GPR137C: variants seen among roughly 807,000 people sequenced by gnomAD.
GPR137C encodes the protein G protein-coupled receptor 137C.
Under a neutral mutation model 43.4 loss-of-function variants are expected in GPR137C, and 27 were observed. That is an observed-to-expected ratio of 0.62 (90% CI 0.46 to 0.86). The LOEUF (loss-of-function observed/expected upper bound fraction) is 0.86. GPR137C is among the 40% of genes least tolerant of loss of function. GPR137C has a pLI of 0.00. For missense variants in GPR137C, 522 were observed against 534.6 expected (o/e 0.98, Z 0.23); for synonymous variants, 285 against 226.9 (o/e 1.26, Z -2.30).
At chr14:52,633,346 C>T (rs1353461072) in intron 4 of GPR137C, among the ~76,000 whole-genome samples, 184 bp from the exon 5 acceptor site, 1 of 152,006 alleles carries the variant, frequency 6.6e-6, no homozygotes, top group East Asian at 1.9e-4. Context: ...AGCTTCAAAG[C>T]ATTTTATGTC....
At chr14:52,592,280 T>C (rs927013939) in intron 1 of GPR137C, among the ~76,000 whole-genome samples, 16 of 152,200 alleles carry the variant, frequency 1.1e-4, no homozygotes, top group African/African-American at 3.9e-4. Flanking sequence ...CTTCGTTCTT[T>C]TTGCTGTTTT....
chr14:52,566,549 A>C (rs1434258599), intron 1 of GPR137C, among the ~76,000 whole-genome samples: 1 of 152,212 alleles, frequency 6.6e-6, no homozygotes, highest in Admixed American at 6.5e-5. Flanking sequence ...TTTTTTAAAA[A>C]ATCTATTCTG....
chr14:52,628,734 T>G (rs2039259824), intron 3 of GPR137C, among the ~76,000 whole-genome samples: 1 of 152,156 alleles, frequency 6.6e-6, no homozygotes, highest in Non-Finnish European at 1.5e-5. Flanking sequence ...AGACAGAGGC[T>G]GCAGTGGGCC....
chr14:52,631,920 A>G (rs893958468), intron 3 of GPR137C, among the ~76,000 whole-genome samples: 18 of 151,268 alleles, frequency 1.2e-4, no homozygotes, highest in African/African-American at 4.4e-4. Context: ...TGGCAGAACA[A>G]AATCTTTCTC....
At chr14:52,622,687 G>A (rs996758562) in intron 3 of GPR137C, among the ~76,000 whole-genome samples, 5 of 151,974 alleles carry the variant, frequency 3.3e-5, no homozygotes, top group South Asian at 2.1e-4. Flanking sequence ...GAAAAAAAGT[G>A]GTTAGATCCA....
intron 1 of GPR137C, among the ~76,000 whole-genome samples, chr14:52,582,953 G>A (rs1421623626): frequency 6.6e-6 from 1 of 151,740 alleles, no homozygotes; most frequent in East Asian, 1.9e-4. Context: ...TTCTAAATAA[G>A]GATCTGCTAG....
intron 3 of GPR137C, among the ~76,000 whole-genome samples, chr14:52,614,437 A>T (rs1358788188): frequency 6.6e-6 from 1 of 152,156 alleles, no homozygotes; most frequent in East Asian, 1.9e-4. Flanking sequence ...CTTGTTCGCC[A>T]TTCATAAGTC....
chr14:52,621,387 G>A (rs1354014302), intron 3 of GPR137C, among the ~76,000 whole-genome samples: 1 of 151,782 alleles, frequency 6.6e-6, no homozygotes, highest in African/African-American at 2.4e-5. Flanking sequence ...TTACTTACCA[G>A]CATACCTAAC....
At chr14:52,589,217 G>C (rs2139502186) in intron 1 of GPR137C, among the ~76,000 whole-genome samples, 1 of 152,310 alleles carries the variant, frequency 6.6e-6, no homozygotes, top group South Asian at 2.1e-4. Flanking sequence ...GGCTGCCAGA[G>C]CCTGGAGGAG....
At chr14:52,629,189 C>G (rs1180589580) in intron 3 of GPR137C, among the ~76,000 whole-genome samples, 1 of 152,176 alleles carries the variant, frequency 6.6e-6, no homozygotes, top group Admixed American at 6.5e-5. Context: ...AATTGTACAT[C>G]CATTTTGGGA....
chr14:52,580,014 T>C (rs914781738), intron 1 of GPR137C, among the ~76,000 whole-genome samples: 1 of 152,214 alleles, frequency 6.6e-6, no homozygotes, highest in Non-Finnish European at 1.5e-5. Context: ...GATTTCCAAA[T>C]GCCAGCCACA....
chr14:52,625,982 A>T (rs916013041), intron 3 of GPR137C, among the ~76,000 whole-genome samples: 1 of 152,188 alleles, frequency 6.6e-6, no homozygotes, highest in Non-Finnish European at 1.5e-5. Flanking sequence ...CCTTGAATTG[A>T]AAATATTAAA....
intron 1 of GPR137C, chr14:52,596,767 C>T: frequency 2.7e-6 from 1 of 367,874 alleles, no homozygotes; most frequent in South Asian, 2.0e-5. Context: ...TTCCCCAACC[C>T]CTTGTGCTTC....
intron 1 of GPR137C, among the ~76,000 whole-genome samples, chr14:52,575,420 A>C (rs1361023426): frequency 6.6e-6 from 1 of 152,142 alleles, no homozygotes; most frequent in African/African-American, 2.4e-5. Context: ...AAAATATAAA[A>C]AATACTTTTA....
intron 1 of GPR137C, among the ~76,000 whole-genome samples, chr14:52,570,687 G>T (rs2038452377): frequency 6.6e-6 from 1 of 152,012 alleles, no homozygotes; most frequent in Non-Finnish European, 1.5e-5. Flanking sequence ...AAAAAGCAGG[G>T]GTTGCAATCC....
intron 3 of GPR137C, among the ~76,000 whole-genome samples, chr14:52,629,050 G>A (rs1187750606): frequency 6.6e-6 from 1 of 152,172 alleles, no homozygotes; most frequent in Non-Finnish European, 1.5e-5. Context: ...TCTGGGAAAT[G>A]CAAATTAAAA....
intron 1 of GPR137C, among the ~76,000 whole-genome samples, chr14:52,584,961 C>T (rs1279801708): frequency 1.3e-5 from 2 of 152,074 alleles, no homozygotes; most frequent in South Asian, 2.1e-4. Flanking sequence ...TAATTATATC[C>T]ACTATCAACT....
intron 3 of GPR137C, among the ~76,000 whole-genome samples, chr14:52,615,287 T>C (rs1044979346): frequency 3.3e-5 from 5 of 152,242 alleles, no homozygotes; most frequent in African/African-American, 1.2e-4. Context: ...GGTTTCTGGG[T>C]TCTCTATTCT....
intron 1 of GPR137C, among the ~76,000 whole-genome samples, chr14:52,580,904 G>C (rs1436334707): frequency 2.7e-5 from 4 of 147,618 alleles, no homozygotes; most frequent in Non-Finnish European, 6.0e-5. Flanking sequence ...ATTTTTAGTA[G>C]ATAAAAGTTA....
Sources: gnomAD v4.1 joint callset for allele counts (sites outside exome capture counted in the v4.1 genomes callset) on GRCh38, gnomAD v4.1.1 for gene constraint, MANE v1.5 for transcripts, NCBI Gene and HGNC (gene_info 2026-07-23, HGNC 2026-07-21) for gene names.